The following RBFOX1 variants were observed in gnomAD, a reference collection of about 807,000 sequenced individuals.
RBFOX1 encodes RNA binding protein fox-1 homolog 1.
RBFOX1 carries 8 observed loss-of-function variants against 57.7 expected under a neutral mutation model. The ratio of observed to expected loss-of-function variants is 0.14; its 90% CI spans 0.08 to 0.25. The LOEUF (loss-of-function observed/expected upper bound fraction) is 0.25. RBFOX1 is among the 10% of genes least tolerant of loss of function. The pLI is 1.00. For synonymous variants in RBFOX1, 326 were observed against 222.4 expected, an observed-to-expected ratio of 1.47 and a Z score of -4.15; for missense variants, 611 against 548.5, an observed-to-expected ratio of 1.11 and a Z score of -1.14.
chr16:5,648,115 C>T (rs1299149242), intron 3 of RBFOX1, among the ~76,000 whole-genome samples: 2 of 152,202 alleles, frequency 1.3e-5, no homozygotes, highest in Non-Finnish European at 2.9e-5. Flanking sequence ...CTGCCTCTAC[C>T]TCCCAGAGTG....
intron 1 of RBFOX1, among the ~76,000 whole-genome samples, chr16:6,156,925 G>A (rs1025901351): frequency 3.3e-5 from 5 of 152,082 alleles, no homozygotes; most frequent in Admixed American, 1.3e-4. Context: ...CCATAGCCCC[G>A]AACTCCTGAG....
At chr16:6,099,598 C>G (rs1225718885) in intron 1 of RBFOX1, among the ~76,000 whole-genome samples, 1 of 152,082 alleles carries the variant, frequency 6.6e-6, no homozygotes, top group Non-Finnish European at 1.5e-5. Context: ...TATTTTGGAA[C>G]TTGATAGAGG....
intron 1 of RBFOX1, among the ~76,000 whole-genome samples, chr16:6,063,220 G>C (rs768365241): frequency 2.0e-5 from 3 of 152,048 alleles, no homozygotes; most frequent in Non-Finnish European, 4.4e-5. Context: ...AAGAGGGAAA[G>C]AAAACTATCA....
rs186735612 is a variant in RBFOX1, at chr16:5,825,831, A to G, written c.319-41472A>G. ...TGAATAAGGAATAATATTCCTTAAT[A>G]TGAATAAGGAATAATATTCCGTAAT... On this transcript the variant is annotated intron_variant, in intron 3 of 19. Coordinates refer to the RBFOX1 transcript ENST00000641259. Among the ~76,000 whole-genome samples the G allele has an allele frequency of 1.5e-3, 223 of 144,196 alleles. 3 individuals are homozygous for G. The highest frequency in any genetic ancestry group is 8.5e-3 in the Admixed American group (119 of 14,056). The allele number at this position is 144,196 out of a possible 152,430, so 94.6% of individuals were successfully genotyped here.
intron 3 of RBFOX1, among the ~76,000 whole-genome samples, chr16:6,752,765 C>G (rs1290466791): frequency 6.6e-6 from 1 of 152,078 alleles, no homozygotes; most frequent in Admixed American, 6.6e-5. Flanking sequence ...TGCTTCTTCA[C>G]TTCCATCCTT....
At chr16:5,275,780 C>T (rs2063125858) in intron 1 of RBFOX1, among the ~76,000 whole-genome samples, 1 of 152,182 alleles carries the variant, frequency 6.6e-6, no homozygotes, top group South Asian at 2.1e-4. Flanking sequence ...TACCCAACTT[C>T]AAACTATATT....
At chr16:6,667,909 AAAT>A (rs1466407270) in intron 3 of RBFOX1, among the ~76,000 whole-genome samples, 1 of 152,048 alleles carries the variant, frequency 6.6e-6, no homozygotes, top group African/African-American at 2.4e-5. Context: ...AAGAAAAAAA[AAAT>A]AAGTACAAGC....
chr16:7,099,445 T>C (rs1192327430), intron 4 of RBFOX1, among the ~76,000 whole-genome samples: 2 of 152,234 alleles, frequency 1.3e-5, no homozygotes, highest in African/African-American at 4.8e-5. Flanking sequence ...CCATATTTAG[T>C]GTCTAGCTGA....
chr16:5,914,616 G>T (rs563143779), intron 4 of RBFOX1, among the ~76,000 whole-genome samples: 15 of 152,302 alleles, frequency 9.8e-5, no homozygotes, highest in African/African-American at 3.4e-4. Flanking sequence ...AGGGAGAGAG[G>T]CCGGGCGAGG....
At chr16:6,898,010 G>A (rs1168485222) in intron 3 of RBFOX1, among the ~76,000 whole-genome samples, 1 of 152,108 alleles carries the variant, frequency 6.6e-6, no homozygotes, top group Non-Finnish European at 1.5e-5. Flanking sequence ...GCTCCACATG[G>A]ACAAGAGACC....
intron 6 of RBFOX1, among the ~76,000 whole-genome samples, chr16:7,582,035 C>T (rs1321161199): frequency 6.6e-6 from 1 of 151,452 alleles, no homozygotes; most frequent in South Asian, 2.1e-4. Context: ...CACCCCCCCC[C>T]CCCCTTTTTT....
intron 3 of RBFOX1, among the ~76,000 whole-genome samples, chr16:6,726,315 T>C (rs2067157749): frequency 6.6e-6 from 1 of 152,182 alleles, no homozygotes; most frequent in African/African-American, 2.4e-5. Context: ...TAGTGTGCTT[T>C]CAAATTACTA....
At chr16:5,456,123 A>C (rs908702931) in intron 1 of RBFOX1, among the ~76,000 whole-genome samples, 3 of 152,138 alleles carry the variant, frequency 2.0e-5, no homozygotes, top group Non-Finnish European at 4.4e-5. Context: ...TAAAAAAAAA[A>C]CGTGCTTAAC....
At chr16:5,320,467 C>T (rs1209843344) in intron 1 of RBFOX1, among the ~76,000 whole-genome samples, 1 of 152,154 alleles carries the variant, frequency 6.6e-6, no homozygotes, top group East Asian at 1.9e-4. Flanking sequence ...GAACAAGACC[C>T]TCGAAGGACT....
At chr16:7,234,082 A>G (rs186205621) in intron 4 of RBFOX1, among the ~76,000 whole-genome samples, 15 of 152,312 alleles carry the variant, frequency 9.8e-5, no homozygotes, top group Admixed American at 8.5e-4. Flanking sequence ...TTATGTCACA[A>G]GAATGCTTGG....
intron 1 of RBFOX1, among the ~76,000 whole-genome samples, chr16:6,131,569 G>C (rs1253940144): frequency 6.6e-6 from 1 of 152,162 alleles, no homozygotes; most frequent in Non-Finnish European, 1.5e-5. Context: ...CCACTCCCCA[G>C]ATGACTCTCA....
chr16:7,148,496 C>T (rs1325334597), intron 4 of RBFOX1, among the ~76,000 whole-genome samples: 2 of 152,204 alleles, frequency 1.3e-5, no homozygotes, highest in Admixed American at 1.3e-4. Context: ...CACACGCCGG[C>T]AGGAGGCTGT....
At chr16:6,452,753 G>T (rs943546122) in intron 2 of RBFOX1, among the ~76,000 whole-genome samples, 1 of 152,154 alleles carries the variant, frequency 6.6e-6, no homozygotes, top group African/African-American at 2.4e-5. Flanking sequence ...GGATCCTTGT[G>T]CCTTATTTCA....
chr16:6,369,637 T>C (rs1178049421), intron 2 of RBFOX1, among the ~76,000 whole-genome samples: 1 of 152,202 alleles, frequency 6.6e-6, no homozygotes, highest in African/African-American at 2.4e-5. Flanking sequence ...ATCTTTCCTT[T>C]ATAAGTTTTA....
Sources: allele counts gnomAD v4.1 joint callset (sites outside exome capture counted in the v4.1 genomes callset), GRCh38; gene constraint gnomAD v4.1.1; transcripts MANE v1.5; gene names NCBI Gene and HGNC (gene_info 2026-07-23, HGNC 2026-07-21).